STAG1: variants seen among roughly 807,000 people sequenced by gnomAD.
STAG1 encodes the protein cohesin subunit SA-1.
In STAG1, 26 loss-of-function variants were observed where a neutral mutation model predicts 170.9. The ratio of observed to expected loss-of-function variants is 0.15; its 90% CI spans 0.11 to 0.21. The LOEUF (loss-of-function observed/expected upper bound fraction) is 0.21, where lower values mean the gene tolerates loss of function less well. Ranked by LOEUF, STAG1 falls within the 10% of genes least tolerant of loss-of-function variation. The pLI, the probability that STAG1 is intolerant of heterozygous loss-of-function variation, is 1.00. For missense variants in STAG1, 964 were observed against 1,509.5 expected (o/e 0.64, Z 5.99); for synonymous variants, 514 against 497.7 (o/e 1.03, Z -0.44).
chr3:136,468,886 G>A lies in STAG1; in HGVS notation c.1205+3527C>T, dbSNP rs200936657. 3.6e-4 allele frequency among the ~76,000 whole-genome samples: 55 copies of A among 151,996 alleles called. No individual in the cohort carries two copies. In the East Asian group the frequency reaches 9.7e-3, roughly 27 times the overall value. ...TATGAACAGAACCAAAGACAAAAAC[G>A]ACATGATTATCTCAATACATGCAGA... On this transcript the variant is annotated intron_variant, in intron 12 of 33. Coordinates refer to ENST00000383202, the MANE Select transcript of STAG1 (RefSeq NM_005862.3).
At chr3:136,560,574 T>C (rs1270044512) in intron 5 of STAG1, among the ~76,000 whole-genome samples, 1 of 152,224 alleles carries the variant, frequency 6.6e-6, no homozygotes, top group Non-Finnish European at 1.5e-5. Context: ...CTTTGCATTT[T>C]TCCCACTTCA....
intron 22 of STAG1, among the ~76,000 whole-genome samples, chr3:136,396,520 CTTTTTTTTTT>C (rs146270857): frequency 3.2e-4 from 14 of 43,658 alleles, no homozygotes; most frequent in East Asian, 2.6e-3. Flanking sequence ...CGCGCCTGGC[CTTTTTTTTTT>C]TTTTTTTTTT....
At chr3:136,543,706 A>G (rs894216907) in intron 5 of STAG1, among the ~76,000 whole-genome samples, 2 of 152,234 alleles carry the variant, frequency 1.3e-5, no homozygotes, top group African/African-American at 4.8e-5. Flanking sequence ...TGATAATATC[A>G]CTGCAGAGCA....
intron 24 of STAG1, among the ~76,000 whole-genome samples, 162 bp from the exon 25 acceptor site, chr3:136,367,244 T>A (rs1022235622): frequency 2.0e-5 from 3 of 152,100 alleles, no homozygotes; most frequent in Non-Finnish European, 4.4e-5. Context: ...TATTTTAGGG[T>A]GCTGTATTTA....
intron 7 of STAG1, among the ~76,000 whole-genome samples, chr3:136,515,219 G>A (rs887586230): frequency 1.3e-5 from 2 of 152,036 alleles, no homozygotes; most frequent in African/African-American, 2.4e-5. Context: ...ACAAAAATTA[G>A]CTGGGTGTGG....
At chr3:136,555,227 A>T (rs1936561745) in intron 5 of STAG1, among the ~76,000 whole-genome samples, 1 of 151,654 alleles carries the variant, frequency 6.6e-6, no homozygotes, top group African/African-American at 2.4e-5. Context: ...TAAAAACACC[A>T]GAAGCTGGGC....
intron 14 of STAG1, among the ~76,000 whole-genome samples, chr3:136,449,918 T>TTA (rs1553723525): frequency 1.3e-5 from 2 of 150,966 alleles, no homozygotes; most frequent in African/African-American, 4.9e-5. Context: ...TTTTTTTTTT[T>TTA]AGAGACAGGG....
At chr3:136,603,071 G>T (rs529757066) in intron 4 of STAG1, among the ~76,000 whole-genome samples, 1 of 151,772 alleles carries the variant, frequency 6.6e-6, no homozygotes, top group African/African-American at 2.4e-5. Flanking sequence ...TACATAAAAA[G>T]AAAGAAACAC....
At chr3:136,671,290 A>G (rs1009460728) in intron 1 of STAG1, among the ~76,000 whole-genome samples, 1 of 151,920 alleles carries the variant, frequency 6.6e-6, no homozygotes, top group Non-Finnish European at 1.5e-5. Flanking sequence ...TCTCAAAAAT[A>G]AAAAGAAAGC....
intron 31 of STAG1, 98 bp from the exon 32 acceptor site, chr3:136,340,703 T>C: frequency 1.4e-6 from 1 of 733,400 alleles, no homozygotes; most frequent in South Asian, 1.6e-5. Context: ...AAGTGAAGTA[T>C]ACCTTCTAAT....
At chr3:136,596,410 C>T (rs767631743) in intron 4 of STAG1, among the ~76,000 whole-genome samples, 1 of 152,082 alleles carries the variant, frequency 6.6e-6, no homozygotes, top group African/African-American at 2.4e-5. Context: ...AAGGTACGTA[C>T]ATTGGTTTTT....
chr3:136,496,429 G>A (rs1933098103), intron 9 of STAG1, among the ~76,000 whole-genome samples: 1 of 152,110 alleles, frequency 6.6e-6, no homozygotes, highest in Admixed American at 6.6e-5. Context: ...AAATTTAGAA[G>A]CATTCAAATC....
At chr3:136,673,394 C>G (rs1576746800) in intron 1 of STAG1, among the ~76,000 whole-genome samples, 1 of 152,220 alleles carries the variant, frequency 6.6e-6, no homozygotes, top group East Asian at 1.9e-4. Context: ...AACAGTATTT[C>G]ATTTTTTATT....
intron 1 of STAG1, among the ~76,000 whole-genome samples, chr3:136,678,036 G>C (rs754264894): frequency 6.7e-6 from 1 of 149,316 alleles, no homozygotes; most frequent in Non-Finnish European, 1.5e-5. Flanking sequence ...GTTGGCACTA[G>C]TATGAAGAAA....
chr3:136,592,744 T>G (rs1269028570), intron 4 of STAG1, among the ~76,000 whole-genome samples: 2 of 152,116 alleles, frequency 1.3e-5, no homozygotes, highest in East Asian at 3.9e-4. Flanking sequence ...CACATAGAGA[T>G]TACCAGCAGA....
At chr3:136,699,202 C>A (rs547542327) in intron 1 of STAG1, among the ~76,000 whole-genome samples, 5 of 152,226 alleles carry the variant, frequency 3.3e-5, no homozygotes, top group African/African-American at 9.6e-5. Context: ...ATCACCTGTA[C>A]TCCCAAAACT....
chr3:136,531,095 ACT>A (rs1483691763), intron 6 of STAG1, among the ~76,000 whole-genome samples: 20 of 152,078 alleles, frequency 1.3e-4, no homozygotes, highest in African/African-American at 4.6e-4. Flanking sequence ...CAAGAGCGAA[ACT>A]CTGTCTTGAA....
At chr3:136,513,276 G>C (rs893113649) in intron 7 of STAG1, among the ~76,000 whole-genome samples, 1 of 151,858 alleles carries the variant, frequency 6.6e-6, no homozygotes, top group African/African-American at 2.4e-5. Context: ...AGTATCCCTT[G>C]AACCCAGGAG....
At chr3:136,522,051 T>C (rs1209535838) in intron 6 of STAG1, among the ~76,000 whole-genome samples, 2 of 152,184 alleles carry the variant, frequency 1.3e-5, no homozygotes, top group East Asian at 3.9e-4. Flanking sequence ...ACACAAAACG[T>C]AGAGTACAAC....
Sources: gnomAD v4.1 joint callset for allele counts (sites outside exome capture counted in the v4.1 genomes callset) on GRCh38, gnomAD v4.1.1 for gene constraint, MANE v1.5 for transcripts, NCBI Gene and HGNC (gene_info 2026-07-23, HGNC 2026-07-21) for gene names.